Variants in VIRMA observed in about 807,000 individuals in gnomAD.
The protein encoded by VIRMA is protein virilizer homolog.
In VIRMA, 65 loss-of-function variants were observed where a neutral mutation model predicts 182.4. The ratio of observed to expected loss-of-function variants is 0.36; its 90% CI spans 0.29 to 0.44. The LOEUF (loss-of-function observed/expected upper bound fraction) is 0.44. Ranked by LOEUF, VIRMA falls within the 20% of genes least tolerant of loss-of-function variation. The pLI is 1.00. For missense variants in VIRMA, 1,752 were observed against 2,158.1 expected (o/e 0.81, Z 3.73); for synonymous variants, 709 against 743.1 (o/e 0.95, Z 0.75).
chr8:94,523,272 G>A (rs1199218144), intron 8 of VIRMA, among the ~76,000 whole-genome samples: 1 of 152,042 alleles, frequency 6.6e-6, no homozygotes, highest in Non-Finnish European at 1.5e-5. Flanking sequence ...CCTCTCCACT[G>A]ACTTTTTATT....
At position 94,495,765 on chromosome 8, in the gene VIRMA, C is replaced by T; in HGVS notation, c.4510G>A (p.Ala1504Thr). ...SDQDVEPVLS[A>T]PESLQNLFNN... ...AACAGATTCTGAAGAGATTCTGGAG[C>T]TGAAAGTACTGGTTCTACATCCTGG... is the stretch of plus-strand genomic sequence containing the variant. Residue 1504 changes from alanine (A) to threonine (T), a missense_variant, in exon 19 of 24, where the codon GCT becomes ACT. Physicochemically the swap from Ala to Thr is moderately conservative, Grantham distance 58. Transcript: ENST00000297591. 1 of 1,613,770 alleles carries T rather than the reference C, an allele frequency of 6.2e-7. No individual in the cohort carries two copies. The highest frequency in any genetic ancestry group is 8.5e-7 in the Non-Finnish European group (1 of 1,179,844).
chr8:94,524,765 C>T (rs182015840), intron 8 of VIRMA, among the ~76,000 whole-genome samples: 1 of 152,348 alleles, frequency 6.6e-6, no homozygotes, highest in East Asian at 1.9e-4. Flanking sequence ...TCCTCTCCCA[C>T]TGCTACATTA....
At chr8:94,531,599 T>A (rs998262160) in intron 5 of VIRMA, among the ~76,000 whole-genome samples, 5 of 152,224 alleles carry the variant, frequency 3.3e-5, no homozygotes, top group African/African-American at 1.2e-4. Context: ...CTTCCTGGCA[T>A]CTTAACAGAA....
intron 5 of VIRMA, among the ~76,000 whole-genome samples, chr8:94,533,457 T>C (rs550107681): frequency 2.5e-4 from 38 of 152,238 alleles, no homozygotes; most frequent in Admixed American, 1.3e-3. Context: ...GGTTTCTGTT[T>C]TTGAGACAGG....
At chr8:94,516,600 A>G (rs1056473150) in intron 10 of VIRMA, among the ~76,000 whole-genome samples, 2 of 152,164 alleles carry the variant, frequency 1.3e-5, no homozygotes, top group Non-Finnish European at 2.9e-5. Flanking sequence ...AATTTTCCCC[A>G]TGCATTTTAA....
intron 15 of VIRMA, among the ~76,000 whole-genome samples, chr8:94,508,709 A>C (rs927245620): frequency 1.3e-5 from 2 of 152,192 alleles, no homozygotes; most frequent in Non-Finnish European, 2.9e-5. Flanking sequence ...CAAAAAAAAA[A>C]AAAAGTTCTT....
intron 17 of VIRMA, chr8:94,496,960 G>C (rs1292803753): frequency 6.6e-6 from 1 of 152,326 alleles, no homozygotes; most frequent in Non-Finnish European, 1.5e-5. Flanking sequence ...GTGAATTCTG[G>C]AGTGATAACA....
chr8:94,499,453 C>T lies in VIRMA; in HGVS notation c.4151G>A (p.Ser1384Asn). The T allele has an allele frequency of 6.2e-7, 1 of 1,611,054 alleles. No individual in the cohort carries two copies. The highest frequency in any genetic ancestry group is 8.5e-7 in the Non-Finnish European group (1 of 1,178,746). Reference protein sequence around the residue: ...ALHSLLKRVVSTFSKDTGELA... With the variant: ...ALHSLLKRVVNTFSKDTGELA... ...CTCTCCTGTGTCCTTACTAAATGTG[C>T]TGACCACTCGTTTCAGTAAACTATG... The change falls in exon 17 of 24, where the codon AGC becomes AAC. Residue 1384 changes from serine (S) to asparagine (N), a missense_variant. Physicochemically the swap from Ser to Asn is conservative, Grantham distance 46 (BLOSUM62 1). Around this residue, in one of 11 missense-constraint regions of VIRMA, gnomAD observed 777 missense variants for 920.6 expected, o/e 0.84. Transcript: ENST00000297591.
intron 1 of VIRMA, among the ~76,000 whole-genome samples, chr8:94,551,367 C>T (rs1032098372): frequency 2.0e-5 from 3 of 152,204 alleles, no homozygotes; most frequent in Non-Finnish European, 4.4e-5. Flanking sequence ...TAAACCCCAA[C>T]GAATTCACAC....
intron 1 of VIRMA, among the ~76,000 whole-genome samples, chr8:94,545,746 A>T (rs2130393140): frequency 6.6e-6 from 1 of 152,312 alleles, no homozygotes; most frequent in African/African-American, 2.4e-5. Context: ...AATGCAAAAG[A>T]GAACATGGAA....
Position 94,519,441 on chromosome 8 carries a change from G to A in VIRMA, c.2057C>T (p.Thr686Ile), listed in dbSNP as rs1267822803. The A allele has an allele frequency of 2.6e-6, 4 of 1,526,838 alleles. No homozygotes were observed. In the Admixed American group the frequency reaches 9.0e-5, roughly 34 times the overall value. The allele number at this position is 1,526,838 out of a possible 1,614,324, so 94.6% of individuals were successfully genotyped here. The change falls in exon 9 of 24, where the codon ACC (threonine) becomes ATC (isoleucine). Residue 686 changes from threonine (T) to isoleucine (I), a missense_variant. Physicochemically the swap from Thr to Ile is moderately conservative, Grantham distance 89. Transcript: ENST00000297591. ...LHSHHFLELV[T>I]LLLSIPVTSA... ...TGTTACTGGAATTGACAGAAGCAAG[G>A]TAACCAACTCCAAGAAGTGATGACT...
chr8:94,529,608 C>T lies in VIRMA; in HGVS notation c.608-266G>A, dbSNP rs191455579. 2.8e-4 allele frequency among the ~76,000 whole-genome samples: 43 copies of T among 151,126 alleles called. No homozygotes were observed. The East Asian group carries it at 8.3e-3, about 29-fold the overall frequency. On this transcript the variant is annotated intron_variant, in intron 6 of 23. Transcript: ENST00000297591. ...ACGTTTTTGTCTTTTCCAGTACATACTTATTTTTATTTTATTTTATTTATT... is the reference window on the plus strand; with the variant it reads ...ACGTTTTTGTCTTTTCCAGTACATATTTATTTTTATTTTATTTTATTTATT...
rs1434891668 is a variant in VIRMA at position 94,517,798 on chromosome 8, A to G, written c.2658T>C (p.Ala886=). 2 of 1,601,782 alleles carry G rather than the reference A, an allele frequency of 1.2e-6. No individual in the cohort carries two copies. Among genetic ancestry groups the G allele is most frequent in the Non-Finnish European group, 8.5e-7 (1 of 1,172,676 alleles). ...LKLCKADENN[A]KLQELGKWLE... Reference sequence around the variant, plus strand: ...CTTTAAGTACCATACCTTGCAATTTAGCATTATTTTCATCTGCTTTACAAA... The same window carrying G: ...CTTTAAGTACCATACCTTGCAATTTGGCATTATTTTCATCTGCTTTACAAA... Residue 886 remains alanine (A), a synonymous_variant, in exon 10 of 24, where the codon GCT becomes GCC. Coordinates refer to ENST00000297591, the MANE Select transcript of VIRMA (RefSeq NM_015496.5).
intron 16 of VIRMA, among the ~76,000 whole-genome samples, chr8:94,501,471 T>C (rs2130281476): frequency 6.6e-6 from 1 of 152,262 alleles, no homozygotes; most frequent in East Asian, 1.9e-4. Flanking sequence ...AACACTGTAC[T>C]CCGATTGCTC....
chr8:94,528,677 C>T (rs1334162046), intron 7 of VIRMA, among the ~76,000 whole-genome samples: 1 of 152,142 alleles, frequency 6.6e-6, no homozygotes, highest in East Asian at 1.9e-4. Context: ...AGGTGGCAGA[C>T]ATCTTTAGGA....
intron 8 of VIRMA, among the ~76,000 whole-genome samples, chr8:94,522,866 A>C (rs1056245272): frequency 1.3e-5 from 2 of 152,230 alleles, no homozygotes; most frequent in Admixed American, 6.5e-5. Flanking sequence ...ATCATATCAG[A>C]TCTGCTACTC....
At position 94,492,798 on chromosome 8, in the gene VIRMA, T is replaced by C; in HGVS notation, c.4662A>G (p.Glu1554=). Residue 1554 remains glutamate (E), a synonymous_variant, in exon 21 of 24, where the codon GAA becomes GAG. Coordinates refer to ENST00000297591, the MANE Select transcript of VIRMA (RefSeq NM_015496.5). ...AGTCACTACAGCATTTTTCAGAGAG[T>C]TCAATTAAGTCAACCTTTACCTGCA... ...DLDLVKVDLI[E]LSEKCCSDFD... The C allele has an allele frequency of 6.2e-7, 1 of 1,613,148 alleles. No individual in the cohort carries two copies. Among genetic ancestry groups the C allele is most frequent in the Non-Finnish European group, 8.5e-7 (1 of 1,179,478 alleles).
intron 22 of VIRMA, among the ~76,000 whole-genome samples, chr8:94,490,808 T>C (rs927297229): frequency 2.6e-5 from 4 of 151,758 alleles, no homozygotes; most frequent in Admixed American, 6.6e-5. Flanking sequence ...GATTGCGCCA[T>C]TGCACTCCAG....
intron 9 of VIRMA, 59 bp downstream of exon 9, chr8:94,518,926 C>A: frequency 1.4e-6 from 2 of 1,415,248 alleles, no homozygotes; most frequent in African/African-American, 1.4e-5. Context: ...GAAACTAGAC[C>A]ATTAGTTAAT....
Sources: allele counts gnomAD v4.1 joint callset (sites outside exome capture counted in the v4.1 genomes callset), GRCh38; gene constraint gnomAD v4.1.1; regional missense constraint gnomAD v4.1.1; transcripts MANE v1.5; gene names NCBI Gene and HGNC (gene_info 2026-07-23, HGNC 2026-07-21).